Variants in GREB1 observed in about 807,000 individuals in gnomAD.
GREB1 encodes the protein growth regulating estrogen receptor binding 1, also known as protein GREB1.
Under a neutral mutation model 200.7 loss-of-function variants are expected in GREB1, and 106 were observed. The observed-to-expected ratio is 0.53, with a 90% CI of 0.45 to 0.62. The LOEUF (loss-of-function observed/expected upper bound fraction) is 0.62. GREB1 is among the 20% of genes least tolerant of loss of function. GREB1 has a pLI of 0.00. For synonymous variants in GREB1, 1,132 were observed against 1,092.4 expected (o/e 1.04, Z -0.72); for missense variants, 2,243 against 2,556.8 (o/e 0.88, Z 2.65).
intron 1 of GREB1, among the ~76,000 whole-genome samples, chr2:11,489,941 A>G (rs558565924): frequency 3.5e-4 from 50 of 143,044 alleles, no homozygotes; most frequent in Non-Finnish European, 5.6e-4. Context: ...ACAATAACAT[A>G]TATATTTATG....
intron 1 of GREB1, among the ~76,000 whole-genome samples, chr2:11,552,812 C>T (rs556882650): frequency 3.3e-5 from 5 of 151,858 alleles, no homozygotes; most frequent in African/African-American, 7.3e-5. Flanking sequence ...GAGATCGAGA[C>T]CATCCTGGCT....
chr2:11,613,087 G>A (rs551075223), intron 19 of GREB1, among the ~76,000 whole-genome samples: 1 of 152,314 alleles, frequency 6.6e-6, no homozygotes, highest in African/African-American at 2.4e-5. Context: ...CGCTGCTCGG[G>A]AAGAGCTGGT....
intron 1 of GREB1, among the ~76,000 whole-genome samples, chr2:11,528,978 A>C (rs1673976163): frequency 6.6e-6 from 1 of 152,146 alleles, no homozygotes; most frequent in Admixed American, 6.5e-5. Context: ...AGAAGACTTT[A>C]TTTTCTCCTG....
chr2:11,502,819 C>T (rs568889922), intron 1 of GREB1, among the ~76,000 whole-genome samples: 6 of 152,270 alleles, frequency 3.9e-5, no homozygotes, highest in Middle Eastern at 3.4e-3. Context: ...GGAAGGATTA[C>T]ATCATTTAAC....
chr2:11,536,556 A>G (rs1426776419), intron 1 of GREB1, among the ~76,000 whole-genome samples: 1 of 152,234 alleles, frequency 6.6e-6, no homozygotes, highest in Non-Finnish European at 1.5e-5. Context: ...TATGATTGTC[A>G]TGTTTAATGT....
chr2:11,515,178 C>T (rs1572574078), intron 1 of GREB1, among the ~76,000 whole-genome samples: 2 of 152,090 alleles, frequency 1.3e-5, no homozygotes, highest in African/African-American at 4.8e-5. Context: ...TCCATCCATC[C>T]ATCCATCCGT....
chr2:11,559,993 T>TCC (rs1487181055), intron 2 of GREB1, among the ~76,000 whole-genome samples: 1 of 152,174 alleles, frequency 6.6e-6, no homozygotes, highest in African/African-American at 2.4e-5. Flanking sequence ...CTGCCTCTTG[T>TCC]CCCACAAGCC....
At chr2:11,607,061 G>A (rs1426283796) in intron 17 of GREB1, among the ~76,000 whole-genome samples, 2 of 150,324 alleles carry the variant, frequency 1.3e-5, no homozygotes, top group Non-Finnish European at 3.0e-5. Flanking sequence ...AATTACAGGC[G>A]TGAGCCACCA....
intron 9 of GREB1, chr2:11,587,421 C>T (rs751751542): frequency 8.7e-6 from 14 of 1,613,846 alleles, no homozygotes; most frequent in Admixed American, 6.7e-5. Context: ...GCCCTTGGTC[C>T]GGCAGAACCT....
chr2:11,533,178 T>C (rs1393187888), upstream of GREB1, among the ~76,000 whole-genome samples: 1 of 152,206 alleles, frequency 6.6e-6, no homozygotes, highest in Non-Finnish European at 1.5e-5. Flanking sequence ...ATTTTTGCAA[T>C]TTTTAAGCTC....
At chr2:11,525,216 G>A (rs1044414366) in intron 1 of GREB1, among the ~76,000 whole-genome samples, 1 of 152,112 alleles carries the variant, frequency 6.6e-6, no homozygotes, top group Admixed American at 6.5e-5. Flanking sequence ...CTTTAAAATG[G>A]CATCCGGGCT....
chr2:11,638,715 C>T lies in GREB1; in HGVS notation c.5592C>T (p.Ile1864=). 6.2e-7 allele frequency: 1 copy of T among 1,614,088 alleles called. No homozygotes were observed. The highest frequency in any genetic ancestry group is 8.5e-7 in the Non-Finnish European group (1 of 1,179,902). Residue 1864 remains isoleucine, a synonymous_variant, in exon 32 of 33, where the codon ATC becomes ATT. Transcript: ENST00000381486. ...YVSSRPHSLN[I]SCSDLLFSGL... ...GCTCCAGGCCCCACTCTTTAAACAT[C>T]AGCTGCTCGGACTTGCTGTTCAGTG... is the stretch of plus-strand genomic sequence containing the variant.
chr2:11,524,520 G>T (rs1173284134), intron 1 of GREB1, among the ~76,000 whole-genome samples: 1 of 152,208 alleles, frequency 6.6e-6, no homozygotes, highest in Non-Finnish European at 1.5e-5. Flanking sequence ...ACCTCTGCAG[G>T]ATTGTAAAAT....
intron 1 of GREB1, among the ~76,000 whole-genome samples, chr2:11,504,973 C>T (rs897384289): frequency 6.6e-6 from 1 of 152,084 alleles, no homozygotes; most frequent in Non-Finnish European, 1.5e-5. Flanking sequence ...TGCTCTGTTG[C>T]CAGGCTGGAG....
intron 4 of GREB1, among the ~76,000 whole-genome samples, chr2:11,569,446 G>C (rs1678036864): frequency 6.6e-6 from 1 of 152,154 alleles, no homozygotes; most frequent in Admixed American, 6.5e-5. Flanking sequence ...ACGGTAAGGT[G>C]CTCCGGCAAT....
At chr2:11,549,184 T>C (rs1399505273) in intron 1 of GREB1, among the ~76,000 whole-genome samples, 8 of 151,226 alleles carry the variant, frequency 5.3e-5, no homozygotes, top group African/African-American at 2.0e-4. Flanking sequence ...CTCCTTTTTC[T>C]TTATTTATTC....
At chr2:11,576,222 A>C (rs1035321046) in intron 4 of GREB1, 131 bp from the exon 5 acceptor site, 7 of 699,098 alleles carry the variant, frequency 1.0e-5, no homozygotes, top group South Asian at 7.6e-5. Flanking sequence ...CAGGAGAATC[A>C]CTTGAACCTG....
rs1250380807 is a variant in GREB1 at position 11,596,095 on chromosome 2, A to G, written c.1826-16A>G. 6.2e-7 allele frequency: 1 copy of G among 1,608,128 alleles called. No individual in the cohort carries two copies. The highest frequency in any genetic ancestry group is 2.2e-5 in the East Asian group (1 of 44,796). On this transcript the variant is annotated splice_polypyrimidine_tract_variant and intron_variant, in intron 12 of 32. Coordinates refer to ENST00000381486, the MANE Select transcript of GREB1 (RefSeq NM_014668.4). ...ACTGACATCAAAAACCCATTTGTTTATTCTGTCTTGGGCAGAGGGTGACAT... is the reference window on the plus strand; with the variant it reads ...ACTGACATCAAAAACCCATTTGTTTGTTCTGTCTTGGGCAGAGGGTGACAT...
At chr2:11,602,265 A>G (rs1174311992) in intron 16 of GREB1, 141 bp from the exon 17 acceptor site, 1 of 668,438 alleles carries the variant, frequency 1.5e-6, no homozygotes, top group Non-Finnish European at 2.7e-6. Flanking sequence ...AGAAGTTTAT[A>G]AAATGCCATC....
Sources: allele counts gnomAD v4.1 joint callset (sites outside exome capture counted in the v4.1 genomes callset), GRCh38; gene constraint gnomAD v4.1.1; transcripts MANE v1.5; gene names NCBI Gene and HGNC (gene_info 2026-07-23, HGNC 2026-07-21).